The following MACROD2 variants were observed in gnomAD, a reference collection of about 807,000 sequenced individuals.
MACROD2 encodes the protein ADP-ribose glycohydrolase MACROD2.
In MACROD2, 36 loss-of-function variants were observed where a neutral mutation model predicts 70.4. The ratio of observed to expected loss-of-function variants is 0.51; its 90% confidence interval spans 0.39 to 0.68. The LOEUF is 0.68. Ranked by LOEUF, MACROD2 falls within the 30% of genes least tolerant of loss-of-function variation. MACROD2 has a pLI of 0.00. For synonymous variants in MACROD2, 172 were observed against 178.8 expected (o/e 0.96, Z 0.30); for missense variants, 496 against 538.4 (o/e 0.92, Z 0.78).
At chr20:14,452,806 T>C (rs1338699525) in intron 3 of MACROD2, among the ~76,000 whole-genome samples, 1 of 152,164 alleles carries the variant, frequency 6.6e-6, no homozygotes. Context: ...TGCCTGAAAG[T>C]AAAGAGTACT....
intron 3 of MACROD2, among the ~76,000 whole-genome samples, chr20:14,426,589 T>C (rs1324914604): frequency 6.6e-6 from 1 of 152,192 alleles, no homozygotes; most frequent in Non-Finnish European, 1.5e-5. Context: ...GGAGTTTTTG[T>C]GCATAAGTTT....
intron 3 of MACROD2, among the ~76,000 whole-genome samples, chr20:14,314,416 G>C (rs756220462): frequency 6.6e-6 from 1 of 152,050 alleles, no homozygotes; most frequent in Non-Finnish European, 1.5e-5. Context: ...TTGAAGTGTC[G>C]GTTGTATTAT....
At chr20:15,156,665 C>G (rs1326796809) in intron 5 of MACROD2, among the ~76,000 whole-genome samples, 2 of 152,140 alleles carry the variant, frequency 1.3e-5, no homozygotes, top group Non-Finnish European at 2.9e-5. Context: ...TTCATTTCAG[C>G]TTTCTTCCTC....
At chr20:14,352,325 G>C (rs1034338618) in intron 3 of MACROD2, 28 of 152,044 alleles carry the variant, frequency 1.8e-4, no homozygotes, top group African/African-American at 6.8e-4. Context: ...TACTCGTCTC[G>C]CTTCGGCAGC....
chr20:14,722,899 A>G (rs2071486891), intron 5 of MACROD2, among the ~76,000 whole-genome samples: 1 of 152,184 alleles, frequency 6.6e-6, no homozygotes, highest in African/African-American at 2.4e-5. Flanking sequence ...ACAAAAAAAT[A>G]ATTATAATAA....
chr20:15,462,193 A>G (rs1189331732), intron 7 of MACROD2, among the ~76,000 whole-genome samples: 2 of 152,194 alleles, frequency 1.3e-5, no homozygotes, highest in African/African-American at 4.8e-5. Context: ...AACCATTTAC[A>G]TGAAGTGAAA....
intron 3 of MACROD2, among the ~76,000 whole-genome samples, chr20:14,227,637 C>T (rs990692369): frequency 3.9e-5 from 6 of 152,202 alleles, no homozygotes; most frequent in Admixed American, 2.6e-4. Context: ...ACTGTAACAC[C>T]GCGAGGGTCC....
At chr20:14,763,468 A>G (rs2072043657) in intron 5 of MACROD2, among the ~76,000 whole-genome samples, 1 of 152,122 alleles carries the variant, frequency 6.6e-6, no homozygotes, top group African/African-American at 2.4e-5. Context: ...CTTTGTGGAA[A>G]ATAGGTAAGA....
intron 5 of MACROD2, among the ~76,000 whole-genome samples, chr20:15,123,013 T>C (rs1458591924): frequency 6.6e-6 from 1 of 152,156 alleles, no homozygotes; most frequent in Non-Finnish European, 1.5e-5. Context: ...TGCTGCTCAA[T>C]AGGGTAGCCC....
intron 6 of MACROD2, among the ~76,000 whole-genome samples, chr20:15,327,328 C>T (rs960324193): frequency 6.6e-6 from 1 of 152,020 alleles, no homozygotes. Flanking sequence ...TTCACAAAGG[C>T]GAGGAGAAGG....
intron 5 of MACROD2, among the ~76,000 whole-genome samples, chr20:14,691,620 G>A (rs865900233): frequency 6.6e-6 from 1 of 152,180 alleles, no homozygotes; most frequent in Non-Finnish European, 1.5e-5. Context: ...CACAGGAAAT[G>A]CAGTTTCTAG....
intron 7 of MACROD2, among the ~76,000 whole-genome samples, chr20:15,461,006 A>ATATATTTTTT: frequency 4.8e-4 from 32 of 67,012 alleles, no homozygotes; most frequent in African/African-American, 1.1e-3. Flanking sequence ...ATATATATAT[A>ATATATTTTTT]TTTTTTTTTA....
chr20:15,351,134 G>A (rs1045127935), intron 6 of MACROD2, among the ~76,000 whole-genome samples: 1 of 151,636 alleles, frequency 6.6e-6, no homozygotes, highest in Non-Finnish European at 1.5e-5. Context: ...TGGGGGCAGT[G>A]GTACAGGGGA....
intron 4 of MACROD2, among the ~76,000 whole-genome samples, chr20:14,669,942 T>C (rs536305313): frequency 6.6e-6 from 1 of 152,116 alleles, no homozygotes; most frequent in Admixed American, 6.6e-5. Context: ...GGGGAATTAT[T>C]CCTTCAAGGA....
chr20:15,289,733 G>A (rs1395683419), intron 6 of MACROD2, among the ~76,000 whole-genome samples: 1 of 152,178 alleles, frequency 6.6e-6, no homozygotes, highest in African/African-American at 2.4e-5. Flanking sequence ...GCACTTTTAT[G>A]GGCATGTAGA....
intron 8 of MACROD2, among the ~76,000 whole-genome samples, chr20:15,708,976 T>C (rs1043077152): frequency 1.3e-5 from 2 of 152,158 alleles, no homozygotes; most frequent in African/African-American, 2.4e-5. Context: ...CAGTGAGCTA[T>C]GACTGCACTC....
chr20:15,942,866 C>T (rs1331078671), intron 12 of MACROD2, among the ~76,000 whole-genome samples: 7 of 152,152 alleles, frequency 4.6e-5, no homozygotes, highest in African/African-American at 1.4e-4. Context: ...ATTATTTAAT[C>T]AGTACCTAAT....
chr20:14,429,582 A>G (rs1391093563), intron 3 of MACROD2, among the ~76,000 whole-genome samples: 1 of 152,146 alleles, frequency 6.6e-6, no homozygotes, highest in African/African-American at 2.4e-5. Context: ...AGTGGACTTT[A>G]CAGTGCTCTG....
chr20:15,628,224 AT>A (rs574262489), intron 8 of MACROD2, among the ~76,000 whole-genome samples: 137 of 152,340 alleles, frequency 9.0e-4, no homozygotes, highest in African/African-American at 3.1e-3. Context: ...TAATTTCCTA[AT>A]TCCTTAAATA....
Sources: allele counts gnomAD v4.1 joint callset (sites outside exome capture counted in the v4.1 genomes callset), GRCh38; gene constraint gnomAD v4.1.1; transcripts MANE v1.5; gene names NCBI Gene and HGNC (gene_info 2026-07-23, HGNC 2026-07-21).